Variants in NPR1 observed in about 807,000 individuals in gnomAD.
The protein encoded by NPR1 is atrial natriuretic peptide receptor 1.
A neutral mutation model predicts 116.9 loss-of-function variants in NPR1; 57 were observed. The observed-to-expected ratio is 0.49, with a 90% CI of 0.39 to 0.61. The LOEUF (loss-of-function observed/expected upper bound fraction) is 0.61, where lower values mean the gene tolerates loss of function less well. Among genes scored for constraint, NPR1 ranks in the 20% least tolerant of loss-of-function variants. NPR1 has a pLI of 0.00. For synonymous variants in NPR1, 555 were observed against 601.6 expected (o/e 0.92, Z 1.13); for missense variants, 1,096 against 1,409.8 (o/e 0.78, Z 3.56).
intron 5 of NPR1, 63 bp from the exon 6 acceptor site, chr1:153,683,313 C>G: frequency 6.4e-7 from 1 of 1,563,954 alleles, no homozygotes; most frequent in Non-Finnish European, 8.7e-7. Context: ...GGTGAGACTG[C>G]TGCACTCACA....
chr1:153,682,586 C>T lies in NPR1; in HGVS notation c.1260C>T (p.Phe420=). The T allele has an allele frequency of 1.9e-6, 3 of 1,613,058 alleles. No individual in the cohort carries two copies. Among genetic ancestry groups the T allele is most frequent in the Non-Finnish European group, 2.5e-6 (3 of 1,179,084 alleles). ...LWDMDPENGA[F]RVVLNYNGTS... is the part of the protein sequence containing the mutation. Reference sequence around the variant, plus strand: ...ATATGGATCCCGAGAATGGTGCCTTCAGGGTAAGTTTGTGCACCCAGAAGA... The same window carrying T: ...ATATGGATCCCGAGAATGGTGCCTTTAGGGTAAGTTTGTGCACCCAGAAGA... The change falls in exon 5 of 22, where the codon TTC becomes TTT. Residue 420 remains phenylalanine, a synonymous_variant. Coordinates refer to ENST00000368680, the MANE Select transcript of NPR1 (RefSeq NM_000906.4).
At chr1:153,693,313 A>C (rs1177281511) in intron 21 of NPR1, 39 bp from the exon 22 acceptor site, 1 of 1,608,326 alleles carries the variant, frequency 6.2e-7, no homozygotes, top group African/African-American at 1.3e-5. Flanking sequence ...GGGAAAGGGC[A>C]TGTGCCACTC....
intron 20 of NPR1, 131 bp from the exon 21 acceptor site, chr1:153,692,975 C>T: frequency 1.4e-6 from 1 of 716,806 alleles, no homozygotes; most frequent in Non-Finnish European, 2.4e-6. Flanking sequence ...TAGAGGGCTT[C>T]CTGGCCCAAA....
Position 153,688,142 on chromosome 1 carries a change from A to C in NPR1, c.2338A>C (p.Met780Leu). 1.9e-6 allele frequency: 3 copies of C among 1,613,780 alleles called. 1 individual carries two copies. In the South Asian group the frequency reaches 3.3e-5, roughly 18 times the overall value. The change falls in exon 15 of 22, where the codon ATG becomes CTG. Residue 780 changes from methionine to leucine, a missense_variant. Physicochemically the swap from Met to Leu is conservative, Grantham distance 15 (BLOSUM62 2). Transcript: ENST00000368680. ...QSHLEELGLL[M>L]QRCWAEDPQE... Reference sequence around the variant, plus strand: ...TCACCTGGAGGAGTTGGGGCTGCTCATGCAGCGGTGCTGGGCTGAGGACCC... The same window carrying C: ...TCACCTGGAGGAGTTGGGGCTGCTCCTGCAGCGGTGCTGGGCTGAGGACCC...
chr1:153,693,592 TG>T lies in NPR1; in HGVS notation c.*184del. 2 of 555,472 alleles carry T rather than the reference TG, an allele frequency of 3.6e-6. No individual in the cohort carries two copies. The highest frequency in any genetic ancestry group is 2.8e-5 in the South Asian group (1 of 36,234). The allele number at this position is 555,472 out of a possible 1,614,324, so 34.4% of individuals were successfully genotyped here. On this transcript the variant is annotated 3_prime_UTR_variant, in exon 22 of 22. Transcript: ENST00000368680. ...TAGGACCTCTGAGAGGGGACTGGCATGGGGGGATCTCAGAGCTTACAGGCTG... is the reference window on the plus strand; with the variant it reads ...TAGGACCTCTGAGAGGGGACTGGCATGGGGGATCTCAGAGCTTACAGGCTG...
Position 153,680,513 on chromosome 1 carries a change from G to T in NPR1, c.734G>T (p.Cys245Phe). Residue 245 changes from cysteine to phenylalanine, a missense_variant, in exon 2 of 22, where the codon TGC becomes TTC. Cys to Phe is a radical substitution (Grantham distance 205). Coordinates refer to ENST00000368680, the MANE Select transcript of NPR1 (RefSeq NM_000906.4). The part of the protein sequence containing the change: ...MPRKGRVIYI[C>F]SSPDAFRTLM... Reference sequence around the variant, plus strand: ...CGTCTTTCTCCAGTTATCTACATCTGCAGCTCCCCTGATGCCTTCAGAACC... The same window carrying T: ...CGTCTTTCTCCAGTTATCTACATCTTCAGCTCCCCTGATGCCTTCAGAACC... 1 of 1,614,018 alleles carries T rather than the reference G, an allele frequency of 6.2e-7. No homozygotes were observed. Among genetic ancestry groups the T allele is most frequent in the African/African-American group, 1.3e-5 (1 of 74,986 alleles).
In NPR1 at chr1:153,689,738, G is replaced by A. The variant is rs750825958; in HGVS notation, c.2758-68G>A. Reference sequence around the variant, plus strand: ...GTACAGAATGACAGACGCTGCACCCGGTGTGACGGTGTGGCCGGCCGCACA... The same window carrying A: ...GTACAGAATGACAGACGCTGCACCCAGTGTGACGGTGTGGCCGGCCGCACA... On this transcript the variant is annotated intron_variant, in intron 18 of 21. Transcript: ENST00000368680. The surrounding 1 kb of genome is among the most constrained non-coding windows in gnomAD (Gnocchi z 5.1). 5.3e-5 allele frequency: 76 copies of A among 1,429,164 alleles called. No individual in the cohort carries two copies. The highest frequency in any genetic ancestry group is 5.1e-4 in the South Asian group (37 of 72,164). The allele number at this position is 1,429,164 out of a possible 1,614,324, so 88.5% of individuals were successfully genotyped here.
At chr1:153,681,941 T>C in intron 4 of NPR1, 102 bp downstream of exon 4, 10 of 1,404,440 alleles carry the variant, frequency 7.1e-6, no homozygotes, top group Non-Finnish European at 9.7e-6. Context: ...CAGTTACCTA[T>C]GCACACCAGC....
rs777051534 is a variant in NPR1, at chr1:153,693,141, G to C, written c.3067G>C (p.Val1023Leu). The C allele has an allele frequency of 8.7e-6, 14 of 1,614,060 alleles. No homozygotes were observed. Among genetic ancestry groups the C allele is most frequent in the Non-Finnish European group, 1.1e-5 (13 of 1,179,956 alleles). The part of the protein sequence containing the change: ...KIHLSSETKA[V>L]LEEFGGFELE... The stretch of plus-strand genomic sequence containing the variant: ...CCACTTGTCTTCTGAGACCAAGGCT[G>C]TCCTGGAGGAGTTTGGTGGTTTCGA... The change falls in exon 21 of 22, where the codon GTC becomes CTC. Residue 1023 changes from valine to leucine, a missense_variant. Val to Leu is a conservative substitution (Grantham distance 32). Transcript: ENST00000368680.
chr1:153,686,929 C>T, intron 11 of NPR1, 87 bp from the exon 12 acceptor site: 4 of 1,434,154 alleles, frequency 2.8e-6, no homozygotes, highest in Middle Eastern at 1.8e-4. Context: ...TCCTGTTCTA[C>T]CAGTTCACAT....
Position 153,687,689 on chromosome 1 carries a change from C to G in NPR1, c.2148C>G (p.Gly716=). The stretch of plus-strand genomic sequence containing the variant: ...GAATGGCTTCACCCCCTGTGCGGGG[C>G]TCCCAGGCTGGTGACGTATACAGCT... ...LLRMASPPVR[G]SQAGDVYSFG... Residue 716 remains glycine, a synonymous_variant, in exon 14 of 22, where the codon GGC becomes GGG. Transcript: ENST00000368680. 1 of 1,606,792 alleles carries G rather than the reference C, an allele frequency of 6.2e-7. No homozygotes were observed.
Position 153,683,525 on chromosome 1 carries a change from G to T in NPR1, c.1399+14G>T, listed in dbSNP as rs1325641071. 1.2e-6 allele frequency: 2 copies of T among 1,613,636 alleles called. No homozygotes were observed. The highest frequency in any genetic ancestry group is 2.7e-5 in the African/African-American group (2 of 74,922). On this transcript the variant is annotated intron_variant, in intron 6 of 21. Transcript: ENST00000368680. ...CATGCAACCAAGGTGACTGCCCCTT[G>T]CCTTCCAGGCCTCCATCCCAGAGAT...
intron 19 of NPR1, 26 bp from the exon 20 acceptor site, chr1:153,690,258 T>A: frequency 6.5e-7 from 1 of 1,536,502 alleles, no homozygotes; most frequent in Non-Finnish European, 8.8e-7. Flanking sequence ...GCTGATGGGC[T>A]CTGCTCCTTC....
At chr1:153,692,323 G>T (rs1419397142) in intron 20 of NPR1, among the ~76,000 whole-genome samples, 1 of 152,080 alleles carries the variant, frequency 6.6e-6, no homozygotes, top group African/African-American at 2.4e-5. Context: ...GGCAGTGCAG[G>T]ATCCAAAGTG....
At chr1:153,681,096 G>T in intron 2 of NPR1, 84 bp from the exon 3 acceptor site, 1 of 781,404 alleles carries the variant, frequency 1.3e-6, no homozygotes, top group Non-Finnish European at 2.3e-6. Context: ...AGCTCTGGGA[G>T]GTGGGCTCCC....
Position 153,689,365 on chromosome 1 carries a change from C to T in NPR1, c.2688+54C>T, listed in dbSNP as rs1313004980. 2 of 1,613,944 alleles carry T rather than the reference C, an allele frequency of 1.2e-6. No individual in the cohort carries two copies. Among genetic ancestry groups the T allele is most frequent in the African/African-American group, 1.3e-5 (1 of 74,942 alleles). On this transcript the variant is annotated intron_variant, in intron 17 of 21. Transcript: ENST00000368680. The surrounding 1 kb of genome is among the most constrained non-coding windows in gnomAD (Gnocchi z 5.1). ...GGCAAGCTCAGCATCTGGATCCCAC[C>T]AGACCTGCCTTCTGGTTCTGCTTTA...
At chr1:153,687,904 C>G in intron 14 of NPR1, 115 bp downstream of exon 14, 3 of 1,229,110 alleles carry the variant, frequency 2.4e-6, no homozygotes, top group Non-Finnish European at 3.4e-6. Context: ...GGTTCAGTCA[C>G]CACCCTTTGA....
chr1:153,681,418 G>A, intron 3 of NPR1, 125 bp downstream of exon 3: 1 of 679,728 alleles, frequency 1.5e-6, no homozygotes, highest in Non-Finnish European at 2.6e-6. Flanking sequence ...ATTGTTCCAT[G>A]TTTCTCGTGA....
chr1:153,685,476 C>T (rs1181759503), intron 8 of NPR1, among the ~76,000 whole-genome samples: 1 of 152,002 alleles, frequency 6.6e-6, no homozygotes. Flanking sequence ...CCAGCCTGGG[C>T]AACAGAGCAA....
Sources: gnomAD v4.1 joint callset for allele counts (sites outside exome capture counted in the v4.1 genomes callset) on GRCh38, gnomAD v4.1.1 for gene constraint, Gnocchi (gnomAD v3.1) non-coding constraint, MANE v1.5 for transcripts, NCBI Gene and HGNC (gene_info 2026-07-23, HGNC 2026-07-21) for gene names.